BACH2: variants seen among roughly 807,000 people sequenced by gnomAD.
BACH2 encodes the protein transcription regulator protein BACH2.
A neutral mutation model predicts 61.8 loss-of-function variants in BACH2; 5 were observed. The observed-to-expected ratio is 0.08, with a 90% CI of 0.04 to 0.17. The LOEUF (loss-of-function observed/expected upper bound fraction) is 0.17. BACH2 is among the 10% of genes least tolerant of loss of function. The pLI is 1.00. For missense variants in BACH2, 824 were observed against 1,091.1 expected (o/e 0.76, Z 3.45); for synonymous variants, 446 against 440.1 (o/e 1.01, Z -0.17).
rs1485542594 is a variant in BACH2 at position 89,951,475 on chromosome 6, C to T, written c.631G>A (p.Asp211Asn). The change falls in exon 7 of 9, where the codon GAC becomes AAC. Residue 211 changes from aspartate to asparagine, a missense_variant. By Grantham distance (23) the Asp-to-Asn change is conservative. This residue lies in a region of BACH2 where 19 missense variants were observed against 44.2 expected (regional missense o/e 0.43). Transcript: ENST00000257749. The surrounding 1 kb of genome is among the most constrained non-coding windows in gnomAD (Gnocchi z 6.4). ...EKEEALLPEP[D>N]VPTDTKESSE... The stretch of plus-strand genomic sequence containing the variant: ...CTCTCCTTGGTGTCTGTGGGCACGT[C>T]AGGCTCGGGCAGCAGGGCTTCTTCC... 1 of 1,614,232 alleles carries T rather than the reference C, an allele frequency of 6.2e-7. No individual in the cohort carries two copies. Among genetic ancestry groups the T allele is most frequent in the Admixed American group, 1.7e-5 (1 of 60,034 alleles).
At chr6:89,934,607 C>T (rs1772894043) in intron 8 of BACH2, among the ~76,000 whole-genome samples, 1 of 151,718 alleles carries the variant, frequency 6.6e-6, no homozygotes, top group Non-Finnish European at 1.5e-5. Flanking sequence ...TGCAGTGAGC[C>T]GAGATTGCAC....
intron 5 of BACH2, among the ~76,000 whole-genome samples, chr6:90,079,366 C>CA (rs1245484122): frequency 1.3e-5 from 2 of 152,180 alleles, no homozygotes; most frequent in African/African-American, 4.8e-5. Context: ...TATGAGTTTA[C>CA]AAGAAATAAC....
At chr6:90,129,547 T>C (rs1784009211) in intron 4 of BACH2, among the ~76,000 whole-genome samples, 1 of 152,118 alleles carries the variant, frequency 6.6e-6, no homozygotes, top group African/African-American at 2.4e-5. Flanking sequence ...CTAGGGTACA[T>C]GTGCAGAATG....
chr6:90,082,013 G>C (rs1781746955), intron 5 of BACH2, among the ~76,000 whole-genome samples: 1 of 152,088 alleles, frequency 6.6e-6, no homozygotes. Context: ...GGGGATAAAG[G>C]ATGCAAAGTT....
chr6:90,137,496 C>T (rs1162162680), intron 4 of BACH2, among the ~76,000 whole-genome samples: 5 of 152,176 alleles, frequency 3.3e-5, no homozygotes, highest in African/African-American at 1.2e-4. Context: ...TAACTAGTTT[C>T]TCCGTTCTTT....
chr6:89,958,320 C>T (rs1397093942), intron 6 of BACH2, among the ~76,000 whole-genome samples: 2 of 152,184 alleles, frequency 1.3e-5, no homozygotes, highest in Admixed American at 1.3e-4. Context: ...GCTAGGCACT[C>T]ACTGTGTACT....
At chr6:90,064,584 G>A (rs1780847701) in intron 5 of BACH2, among the ~76,000 whole-genome samples, 1 of 152,216 alleles carries the variant, frequency 6.6e-6, no homozygotes, top group African/African-American at 2.4e-5. Flanking sequence ...CAGTTAAGAA[G>A]AGGCTGGAAG....
Position 89,932,545 on chromosome 6 carries a change from C to G in BACH2, c.2389G>C (p.Glu797Gln). The change falls in exon 9 of 9, where the codon GAA becomes CAA. Residue 797 changes from glutamate (E) to glutamine (Q), a missense_variant. Glu to Gln is a conservative substitution (Grantham distance 29, BLOSUM62 2). Around this residue, in one of 8 missense-constraint regions of BACH2, gnomAD observed 135 missense variants for 142.7 expected, o/e 0.95. Transcript: ENST00000257749. ...GAGAAGGTTCCCGGGTCAGTGCCTTCTAGTCTCCTCCCAGAGGTACAATTC... is the reference window on the plus strand; with the variant it reads ...GAGAAGGTTCCCGGGTCAGTGCCTTGTAGTCTCCTCCCAGAGGTACAATTC... ...SENCTSGRRL[E>Q]GTDPGTFSER... is the part of the protein sequence containing the mutation. 1 of 1,614,034 alleles carries G rather than the reference C, an allele frequency of 6.2e-7. No individual in the cohort carries two copies.
chr6:90,176,650 C>A (rs934458136), intron 4 of BACH2, among the ~76,000 whole-genome samples: 6 of 152,078 alleles, frequency 3.9e-5, no homozygotes, highest in Non-Finnish European at 8.8e-5. Flanking sequence ...CCTACCCTTA[C>A]CTCCTTCCAC....
rs543790879 is a variant in BACH2 at position 90,165,425 on chromosome 6, A to G, written c.-162+41144T>C. On this transcript the variant is annotated intron_variant, in intron 4 of 8. Transcript: ENST00000257749. Reference sequence around the variant, plus strand: ...ATAAAAGAGGATACAAACAAATGGAAGAACATTCCATGCTCATGGGTAGGA... The same window carrying G: ...ATAAAAGAGGATACAAACAAATGGAGGAACATTCCATGCTCATGGGTAGGA... Among the ~76,000 whole-genome samples, 1,482 of 152,320 alleles carry G rather than the reference A, an allele frequency of 9.7e-3. 21 individuals are homozygous for G. The highest frequency in any genetic ancestry group is 0.027 in the African/African-American group (1,130 of 41,554).
chr6:90,094,667 A>T (rs1171429850), intron 4 of BACH2, among the ~76,000 whole-genome samples: 2 of 152,226 alleles, frequency 1.3e-5, no homozygotes, highest in African/African-American at 4.8e-5. Flanking sequence ...TATTAATATT[A>T]TCACTGGAGG....
At chr6:90,158,788 T>C (rs373488840) in intron 4 of BACH2, among the ~76,000 whole-genome samples, 1 of 150,388 alleles carries the variant, frequency 6.6e-6, no homozygotes, top group Admixed American at 6.6e-5. Flanking sequence ...CTTACTCACA[T>C]AGCAAGAGGT....
chr6:90,200,305 T>G (rs1768914515), intron 4 of BACH2, among the ~76,000 whole-genome samples: 1 of 152,172 alleles, frequency 6.6e-6, no homozygotes, highest in African/African-American at 2.4e-5. Context: ...TAGTTCAAAC[T>G]TGTACACATC....
At chr6:90,191,149 A>G (rs1768556036) in intron 4 of BACH2, among the ~76,000 whole-genome samples, 1 of 152,190 alleles carries the variant, frequency 6.6e-6, no homozygotes, top group Non-Finnish European at 1.5e-5. Flanking sequence ...TGCTTCTGTA[A>G]ATCAGTAAGA....
intron 3 of BACH2, among the ~76,000 whole-genome samples, chr6:90,239,332 AATCTTGACTTCCCAGAC>A (rs1345266276): frequency 1.3e-5 from 2 of 152,236 alleles, no homozygotes; most frequent in African/African-American, 4.8e-5. Flanking sequence ...ATTCAGCAAC[AATCTTGACTTCCCAGAC>A]ATAAGAAGTA....
chr6:90,027,006 T>C (rs1778670868), intron 5 of BACH2, among the ~76,000 whole-genome samples: 1 of 152,082 alleles, frequency 6.6e-6, no homozygotes, highest in African/African-American at 2.4e-5. Flanking sequence ...TCAGGTAGTG[T>C]TTTGAGAAAG....
In BACH2 at chr6:89,930,114, GACACACACACACACACACACACAC is replaced by G. The variant is rs55909084; in HGVS notation, c.*2270_*2293del. On this transcript the variant is annotated 3_prime_UTR_variant, in exon 9 of 9. Coordinates refer to ENST00000257749, the MANE Select transcript of BACH2 (RefSeq NM_021813.4). ...CAGAGCTTTATCAAGATCTGTTTCA[GACACACACACACACACACACACAC>G]ACACACACACACACACACACACACA... is the stretch of plus-strand genomic sequence containing the variant. 12 of 118,982 alleles carry G rather than the reference GACACACACACACACACACACACAC, an allele frequency of 1.0e-4. No homozygotes were observed. The East Asian group carries it at 1.7e-3, about 17-fold the overall frequency. The allele number at this position is 118,982 out of a possible 1,614,324, so 7.4% of individuals were successfully genotyped here.
chr6:90,187,062 T>C (rs554034481), intron 4 of BACH2, among the ~76,000 whole-genome samples: 1 of 152,352 alleles, frequency 6.6e-6, no homozygotes, highest in East Asian at 1.9e-4. Context: ...AAGGATGCCC[T>C]ATAAAAAATT....
rs549222509 is a variant in BACH2, at chr6:89,942,705, G to T, written c.1837-4355C>A. On this transcript the variant is annotated intron_variant, in intron 7 of 8. Coordinates refer to ENST00000257749, the MANE Select transcript of BACH2 (RefSeq NM_021813.4). ...ATTCATGGGCGCCACTCTTTAGCCAGGGGTCTACCACTTTGGTTCTCAGTG... is the reference window on the plus strand; with the variant it reads ...ATTCATGGGCGCCACTCTTTAGCCATGGGTCTACCACTTTGGTTCTCAGTG... Among the ~76,000 whole-genome samples the T allele has an allele frequency of 3.3e-5, 5 of 152,312 alleles. No homozygotes were observed. In the East Asian group the frequency reaches 9.7e-4, roughly 29 times the overall value.
Sources: gnomAD v4.1 joint callset for allele counts (sites outside exome capture counted in the v4.1 genomes callset) on GRCh38, gnomAD v4.1.1 for gene constraint, gnomAD v4.1.1 regional missense constraint, Gnocchi (gnomAD v3.1) non-coding constraint, MANE v1.5 for transcripts, NCBI Gene and HGNC (gene_info 2026-07-23, HGNC 2026-07-21) for gene names.